The following PRMT8 variants were observed in gnomAD, a reference collection of about 807,000 sequenced individuals.
The protein encoded by PRMT8 is protein arginine methyltransferase 8.
Under a neutral mutation model 47.1 loss-of-function variants are expected in PRMT8, and 7 were observed. The observed-to-expected ratio is 0.15, with a 90% confidence interval of 0.08 to 0.28. PRMT8 has a LOEUF of 0.28. Ranked by LOEUF, PRMT8 falls within the 10% of genes least tolerant of loss-of-function variation. PRMT8 has a pLI of 1.00. For synonymous variants in PRMT8, 188 were observed against 186.5 expected (o/e 1.01, Z -0.07); for missense variants, 237 against 505.4 (o/e 0.47, Z 5.09).
intron 1 of PRMT8, among the ~76,000 whole-genome samples, chr12:3,455,864 T>C (rs1021978324): frequency 6.6e-6 from 1 of 152,154 alleles, no homozygotes; most frequent in African/African-American, 2.4e-5. Flanking sequence ...CAGTGCCCCC[T>C]ACCACACCCC....
At chr12:3,449,401 GT>G (rs1864894116) in intron 1 of PRMT8, among the ~76,000 whole-genome samples, 1 of 152,152 alleles carries the variant, frequency 6.6e-6, no homozygotes, top group Admixed American at 6.5e-5. Context: ...AGCATCTGTA[GT>G]TTCTTGACTT....
chr12:3,456,028 T>C lies in PRMT8; in HGVS notation c.48+74586T>C, dbSNP rs1419679248. Among the ~76,000 whole-genome samples, 3 of 152,192 alleles carry C rather than the reference T, an allele frequency of 2.0e-5. No individual in the cohort carries two copies. Among genetic ancestry groups the C allele is most frequent in the African/African-American group, 7.2e-5 (3 of 41,458 alleles). Reference sequence around the variant, plus strand: ...TAACTTCTCTGAGCCTGCGTTCTCATCTGTAAAATGAGGATAGTAAGTCAC... The same window carrying C: ...TAACTTCTCTGAGCCTGCGTTCTCACCTGTAAAATGAGGATAGTAAGTCAC... On this transcript the variant is annotated intron_variant, in intron 1 of 9. Coordinates refer to the PRMT8 transcript ENST00000452611. The surrounding 1 kb of genome is among the most constrained non-coding windows in gnomAD (Gnocchi z 4.2).
intron 1 of PRMT8, among the ~76,000 whole-genome samples, chr12:3,480,780 C>G (rs1865266936): frequency 6.6e-6 from 1 of 152,218 alleles, no homozygotes; most frequent in African/African-American, 2.4e-5. Flanking sequence ...CTTCCACCCC[C>G]AAAATCATGC....
chr12:3,476,587 A>G (rs986639951), intron 1 of PRMT8, among the ~76,000 whole-genome samples: 4 of 152,120 alleles, frequency 2.6e-5, no homozygotes, highest in African/African-American at 9.7e-5. Context: ...CTCTTAGGAT[A>G]GGAGTTTTGC....
chr12:3,433,811 C>T (rs1239471053), intron 1 of PRMT8, among the ~76,000 whole-genome samples: 4 of 152,048 alleles, frequency 2.6e-5, no homozygotes, highest in African/African-American at 9.7e-5. Flanking sequence ...GGGGTTTTGC[C>T]GTGTTGGCCA....
chr12:3,571,174 T>C (rs918724734), intron 6 of PRMT8, among the ~76,000 whole-genome samples: 1 of 152,224 alleles, frequency 6.6e-6, no homozygotes, highest in African/African-American at 2.4e-5. Context: ...TTTCTGCCCC[T>C]GGCTCTGGCA....
intron 1 of PRMT8, among the ~76,000 whole-genome samples, chr12:3,431,579 C>T (rs1441768990): frequency 2.6e-5 from 4 of 151,994 alleles, no homozygotes; most frequent in Non-Finnish European, 5.9e-5. Flanking sequence ...TGAAAAACCA[C>T]AAGGGAATGG....
chr12:3,401,643 T>C (rs1190737188), intron 1 of PRMT8, among the ~76,000 whole-genome samples: 1 of 152,146 alleles, frequency 6.6e-6, no homozygotes, highest in African/African-American at 2.4e-5. Flanking sequence ...GGATATAAAA[T>C]CAGTGTGCAA....
At chr12:3,446,197 A>G (rs1864853615) in intron 1 of PRMT8, among the ~76,000 whole-genome samples, 1 of 152,214 alleles carries the variant, frequency 6.6e-6, no homozygotes, top group African/African-American at 2.4e-5. Context: ...CAGGTCCCTA[A>G]GAATGAAATC....
chr12:3,551,980 G>T (rs1866429051), intron 3 of PRMT8: 2 of 152,692 alleles, frequency 1.3e-5, no homozygotes, highest in South Asian at 4.1e-4. Flanking sequence ...AAGCACAAAA[G>T]AAAAGAATCG....
chr12:3,423,345 G>A (rs143339739), intron 1 of PRMT8, among the ~76,000 whole-genome samples: 2,352 of 152,272 alleles, frequency 0.015, 37 homozygotes, highest in Non-Finnish European at 0.018. Context: ...AGGCTCTGCC[G>A]GTTTTATTAG....
chr12:3,591,055 G>A (rs999442166), intron 8 of PRMT8, among the ~76,000 whole-genome samples: 2 of 152,176 alleles, frequency 1.3e-5, no homozygotes, highest in African/African-American at 2.4e-5. Flanking sequence ...CCAGAGGAAG[G>A]ATGAGGAAGA....
At chr12:3,499,261 A>T (rs1293977246) in intron 1 of PRMT8, among the ~76,000 whole-genome samples, 1 of 107,952 alleles carries the variant, frequency 9.3e-6, no homozygotes, top group Non-Finnish European at 1.8e-5. Context: ...TTAGTTACAT[A>T]TGTATACATG....
intron 1 of PRMT8, among the ~76,000 whole-genome samples, chr12:3,520,947 T>C (rs1591582305): frequency 6.6e-6 from 1 of 152,200 alleles, no homozygotes; most frequent in East Asian, 1.9e-4. Context: ...AAGATAGCCA[T>C]AGTTCATGTA....
At chr12:3,536,948 A>G (rs1348478234) in intron 1 of PRMT8, among the ~76,000 whole-genome samples, 1 of 152,206 alleles carries the variant, frequency 6.6e-6, no homozygotes, top group Non-Finnish European at 1.5e-5. Flanking sequence ...TTTTGTCACT[A>G]AGGACAGCAT....
chr12:3,485,300 A>G (rs1417228121), intron 1 of PRMT8, among the ~76,000 whole-genome samples: 3 of 152,172 alleles, frequency 2.0e-5, no homozygotes, highest in African/African-American at 7.2e-5. Flanking sequence ...CTTTTATTTC[A>G]TGGATCTTCC....
At chr12:3,391,972 TAG>T (rs1001272342) in intron 1 of PRMT8, among the ~76,000 whole-genome samples, 1 of 151,830 alleles carries the variant, frequency 6.6e-6, no homozygotes, top group Non-Finnish European at 1.5e-5. Flanking sequence ...TATCCACAAA[TAG>T]AGAGAGGAGA....
At chr12:3,431,257 T>C (rs1173317566) in intron 1 of PRMT8, among the ~76,000 whole-genome samples, 1 of 152,092 alleles carries the variant, frequency 6.6e-6, no homozygotes, top group African/African-American at 2.4e-5. Context: ...TGGTTTGACT[T>C]GACCAGGGTG....
intron 1 of PRMT8, among the ~76,000 whole-genome samples, chr12:3,420,063 G>GAT (rs1487624963): frequency 3.0e-5 from 4 of 133,882 alleles, no homozygotes. Flanking sequence ...GAGAGAGAGA[G>GAT]AAGGGCTGAG....
Sources: allele counts gnomAD v4.1 joint callset (sites outside exome capture counted in the v4.1 genomes callset), GRCh38; gene constraint gnomAD v4.1.1; non-coding constraint Gnocchi (gnomAD v3.1); transcripts MANE v1.5; gene names NCBI Gene and HGNC (gene_info 2026-07-23, HGNC 2026-07-21).